Variants in NTNG2 observed in about 807,000 individuals in gnomAD.
The protein encoded by NTNG2 is netrin G2.
In NTNG2, 15 loss-of-function variants were observed where a neutral mutation model predicts 47.6. The observed-to-expected ratio is 0.32, with a 90% CI of 0.21 to 0.49. NTNG2 has a LOEUF of 0.49. Among genes scored for constraint, NTNG2 ranks in the 20% least tolerant of loss-of-function variants. NTNG2 has a pLI of 0.99. For missense variants in NTNG2, 578 were observed against 764.6 expected, an observed-to-expected ratio of 0.76 and a Z score of 2.88; for synonymous variants, 307 against 324.6, an observed-to-expected ratio of 0.95 and a Z score of 0.58.
rs190370798 is a variant in NTNG2 at position 132,221,634 on chromosome 9, G to A, written c.858-5215G>A. 1.2e-4 allele frequency among the ~76,000 whole-genome samples: 18 copies of A among 152,246 alleles called. No individual in the cohort carries two copies. Among genetic ancestry groups the A allele is most frequent in the Non-Finnish European group, 2.1e-4 (14 of 68,008 alleles). Reference sequence around the variant, plus strand: ...GCTCAGCCAGCGAGTTGAAGAGGCCGGGACATCTTCTCCTGTTCCCGAGGA... The same window carrying A: ...GCTCAGCCAGCGAGTTGAAGAGGCCAGGACATCTTCTCCTGTTCCCGAGGA... On this transcript the variant is annotated intron_variant, in intron 3 of 7. Transcript: ENST00000393229. This position sits in a 1 kb window ranked among gnomAD's most constrained non-coding sequence, Gnocchi z 4.2.
intron 2 of NTNG2, among the ~76,000 whole-genome samples, chr9:132,179,046 T>G (rs1412048448): frequency 6.6e-6 from 1 of 151,536 alleles, no homozygotes; most frequent in Non-Finnish European, 1.5e-5. Context: ...CCCAGAGGGT[T>G]GGAGTGACTT....
rs1841217626 is a variant in NTNG2 at position 132,231,456 on chromosome 9, C to G, written c.1054+861C>G. On this transcript the variant is annotated intron_variant, in intron 5 of 7. Transcript: ENST00000393229. The surrounding 1 kb of genome is among the most constrained non-coding windows in gnomAD (Gnocchi z 4.1). ...CCAGGGCTCTGTGGGGCCCCACATC[C>G]CACCCAAGTTGTCCCTCCCGGACCC... 1 of 397,132 alleles carries G rather than the reference C, an allele frequency of 2.5e-6. No individual in the cohort carries two copies. The highest frequency in any genetic ancestry group is 2.1e-5 in the African/African-American group (1 of 47,710). The allele number at this position is 397,132 out of a possible 1,614,324, so 24.6% of individuals were successfully genotyped here.
intron 3 of NTNG2, among the ~76,000 whole-genome samples, chr9:132,204,166 G>C (rs1019968266): frequency 6.6e-6 from 1 of 152,164 alleles, no homozygotes; most frequent in Non-Finnish European, 1.5e-5. Flanking sequence ...GAGGAAACCC[G>C]TGAGTTCCAA....
At chr9:132,177,231 C>T (rs536708435) in intron 2 of NTNG2, among the ~76,000 whole-genome samples, 1 of 152,358 alleles carries the variant, frequency 6.6e-6, no homozygotes, top group South Asian at 2.1e-4. Flanking sequence ...AAACGATCTG[C>T]CCGCCTGGGC....
chr9:132,209,056 A>C (rs1173059962), intron 3 of NTNG2, among the ~76,000 whole-genome samples: 1 of 152,176 alleles, frequency 6.6e-6, no homozygotes, highest in East Asian at 1.9e-4. Context: ...TGTGCACTGC[A>C]CACCGTGGTC....
At chr9:132,179,637 C>T (rs955226489) in intron 2 of NTNG2, among the ~76,000 whole-genome samples, 4 of 152,146 alleles carry the variant, frequency 2.6e-5, no homozygotes, top group African/African-American at 4.8e-5. Context: ...TGCCATGCAC[C>T]GGTGGCAATT....
rs566359951 is a variant in NTNG2, at chr9:132,190,294, T to C, written c.214-7672T>C. ...TTAGGGTAGCATGTCCTGGGCTTCA[T>C]TGGGCTCAAGGAAATTGGGGGACTC... On this transcript the variant is annotated intron_variant, in intron 2 of 7. Coordinates refer to ENST00000393229, the MANE Select transcript of NTNG2 (RefSeq NM_032536.4). 5.7e-3 allele frequency among the ~76,000 whole-genome samples: 848 copies of C among 147,558 alleles called. 9 individuals are homozygous for C. Among genetic ancestry groups the C allele is most frequent in the Non-Finnish European group, 9.5e-3 (641 of 67,224 alleles).
intron 5 of NTNG2, among the ~76,000 whole-genome samples, chr9:132,234,841 C>T (rs1410757717): frequency 1.3e-5 from 2 of 152,226 alleles, no homozygotes; most frequent in Admixed American, 6.5e-5. Flanking sequence ...CAAAGCTCCC[C>T]GCTCCCAGCT....
In NTNG2 at chr9:132,223,998, G is replaced by T. The variant is rs1379286871; in HGVS notation, c.858-2851G>T. Among the ~76,000 whole-genome samples, 3 of 152,076 alleles carry T rather than the reference G, an allele frequency of 2.0e-5. No individual in the cohort carries two copies. In the East Asian group the frequency reaches 5.8e-4, roughly 29 times the overall value. Reference sequence around the variant, plus strand: ...TCATGCTCTTGCCTCTTTCTAGAAGGTTCTCCCCTTCTGGCCCGGCAACTC... The same window carrying T: ...TCATGCTCTTGCCTCTTTCTAGAAGTTTCTCCCCTTCTGGCCCGGCAACTC... On this transcript the variant is annotated intron_variant, in intron 3 of 7. Coordinates refer to ENST00000393229, the MANE Select transcript of NTNG2 (RefSeq NM_032536.4).
chr9:132,187,219 A>T (rs1248861549), intron 2 of NTNG2, among the ~76,000 whole-genome samples: 1 of 152,210 alleles, frequency 6.6e-6, no homozygotes, highest in African/African-American at 2.4e-5. Context: ...GGGACAAGCG[A>T]GTCCCTGGGG....
intron 5 of NTNG2, 199 bp from the exon 6 acceptor site, chr9:132,238,905 C>G: frequency 1.5e-6 from 1 of 664,906 alleles, no homozygotes. Flanking sequence ...TCAGGTTCTC[C>G]TCTGGGCTCA....
rs113624691 is a variant in NTNG2, at chr9:132,196,780, G to A, written c.214-1186G>A. 6.6e-5 allele frequency among the ~76,000 whole-genome samples: 10 copies of A among 152,246 alleles called. 1 individual carries two copies. Among genetic ancestry groups the A allele is most frequent in the South Asian group, 2.1e-4 (1 of 4,824 alleles). ...AATTGTAACACTGCCCAGAGCTGGC[G>A]TCAGAACCCTCAGGTGAAGGGCTCA... is the stretch of plus-strand genomic sequence containing the variant. On this transcript the variant is annotated intron_variant, in intron 2 of 7. Coordinates refer to ENST00000393229, the MANE Select transcript of NTNG2 (RefSeq NM_032536.4).
chr9:132,191,709 C>T (rs905539946), intron 2 of NTNG2, among the ~76,000 whole-genome samples: 2 of 151,912 alleles, frequency 1.3e-5, no homozygotes, highest in African/African-American at 2.4e-5. Flanking sequence ...GTAGCTGGGA[C>T]TACAGGCGCC....
intron 5 of NTNG2, chr9:132,232,978 C>T (rs1433270909): frequency 1.3e-5 from 2 of 152,322 alleles, no homozygotes; most frequent in Admixed American, 1.3e-4. Context: ...CACCCCACCT[C>T]TTTCTACATC....
chr9:132,178,234 A>G (rs1290843233), intron 2 of NTNG2, among the ~76,000 whole-genome samples: 2 of 150,928 alleles, frequency 1.3e-5, no homozygotes, highest in Non-Finnish European at 2.9e-5. Flanking sequence ...TCAGGCTGGG[A>G]TGTGGACTTG....
intron 5 of NTNG2, among the ~76,000 whole-genome samples, chr9:132,238,124 T>G (rs1841755643): frequency 7.9e-6 from 1 of 126,668 alleles, no homozygotes; most frequent in African/African-American, 2.9e-5. Flanking sequence ...GCAGCCACAT[T>G]GGCTTTCTTG....
rs1840136542 is a variant in NTNG2, at chr9:132,218,489, T to G, written c.858-8360T>G. On this transcript the variant is annotated intron_variant, in intron 3 of 7. Coordinates refer to ENST00000393229, the MANE Select transcript of NTNG2 (RefSeq NM_032536.4). The surrounding 1 kb of genome is among the most constrained non-coding windows in gnomAD (Gnocchi z 5.4). ...AATGTGATAGCGTTTTGTTTTTTTGTTTTTTTTGTTTTTCTGGTTTTTTTG... is the reference window on the plus strand; with the variant it reads ...AATGTGATAGCGTTTTGTTTTTTTGGTTTTTTTGTTTTTCTGGTTTTTTTG... Among the ~76,000 whole-genome samples, 1 of 33,766 alleles carries G rather than the reference T, an allele frequency of 3.0e-5. No individual in the cohort carries two copies. The highest frequency in any genetic ancestry group is 6.5e-5 in the Non-Finnish European group (1 of 15,414). The allele number at this position is 33,766 out of a possible 152,430, so 22.2% of individuals were successfully genotyped here.
In NTNG2 at chr9:132,240,995, C is replaced by T. The variant is rs1841942380; in HGVS notation, c.1308C>T (p.Pro436=). 6 of 1,610,176 alleles carry T rather than the reference C, an allele frequency of 3.7e-6. No individual in the cohort carries two copies. In the South Asian group the frequency reaches 4.4e-5, roughly 12 times the overall value. Residue 436 remains proline, a synonymous_variant, in exon 7 of 8, where the codon CCC becomes CCT. Transcript: ENST00000393229. ...AGTGCCGCGAGGGCGCGGCGGGCCCCAAGTGCGACGACTGCCTCCCCACGC... is the reference window on the plus strand; with the variant it reads ...AGTGCCGCGAGGGCGCGGCGGGCCCTAAGTGCGACGACTGCCTCCCCACGC... ...FCECREGAAG[P]KCDDCLPTHY... is the part of the protein sequence containing the mutation.
chr9:132,214,944 A>G (rs1839863460), intron 3 of NTNG2, among the ~76,000 whole-genome samples: 1 of 151,752 alleles, frequency 6.6e-6, no homozygotes, highest in Admixed American at 6.6e-5. Flanking sequence ...TGGCACAATC[A>G]CGGCTCACTG....
Sources: allele counts gnomAD v4.1 joint callset (sites outside exome capture counted in the v4.1 genomes callset), GRCh38; gene constraint gnomAD v4.1.1; non-coding constraint Gnocchi (gnomAD v3.1); transcripts MANE v1.5; gene names NCBI Gene and HGNC (gene_info 2026-07-23, HGNC 2026-07-21).